Variants in SLC24A2 observed in about 807,000 individuals in gnomAD.
The protein encoded by SLC24A2 is sodium/potassium/calcium exchanger 2.
A neutral mutation model predicts 62.0 loss-of-function variants in SLC24A2; 36 were observed. The observed-to-expected ratio is 0.58, with a 90% CI of 0.44 to 0.77. The LOEUF (loss-of-function observed/expected upper bound fraction) is 0.77, where lower values mean the gene tolerates loss of function less well. SLC24A2 is among the 30% of genes least tolerant of loss of function. The probability of loss-of-function intolerance (pLI) is 0.00; values close to 1 mark genes in which losing one functional copy is unlikely to be tolerated. For synonymous variants in SLC24A2, 358 were observed against 294.0 expected (o/e 1.22, Z -2.23); for missense variants, 846 against 817.9 (o/e 1.03, Z -0.42).
the SLC24A2 span, among the ~76,000 whole-genome samples, chr9:19,860,696 G>A: frequency 6.6e-6 from 1 of 152,162 alleles, no homozygotes; most frequent in Admixed American, 6.5e-5. Flanking sequence ...CCTGCCCTGG[G>A]CCAGAGGGGA....
chr9:20,219,826 A>C, the SLC24A2 span, among the ~76,000 whole-genome samples: 1 of 152,158 alleles, frequency 6.6e-6, no homozygotes, highest in Non-Finnish European at 1.5e-5. Context: ...TTTGTTTGTC[A>C]ATAAACAATT....
At chr9:20,192,270 G>A in the SLC24A2 span, among the ~76,000 whole-genome samples, 1 of 152,162 alleles carries the variant, frequency 6.6e-6, no homozygotes, top group African/African-American at 2.4e-5. Context: ...AAGTGGGTGA[G>A]AAGGCCAAGA....
chr9:20,027,059 A>G, the SLC24A2 span, among the ~76,000 whole-genome samples: 1 of 152,202 alleles, frequency 6.6e-6, no homozygotes, highest in Non-Finnish European at 1.5e-5. Context: ...CATGTATATT[A>G]AAAAAGTGCT....
intron 2 of SLC24A2, among the ~76,000 whole-genome samples, chr9:19,764,143 G>C (rs1301764926): frequency 6.6e-6 from 1 of 152,100 alleles, no homozygotes; most frequent in Non-Finnish European, 1.5e-5. Context: ...GTATTTCTGT[G>C]GCATCAGTGG....
chr9:19,783,894 A>G (rs1217833359), intron 2 of SLC24A2, among the ~76,000 whole-genome samples: 7 of 152,226 alleles, frequency 4.6e-5, no homozygotes, highest in African/African-American at 1.7e-4. Flanking sequence ...AATAAATTAA[A>G]GCTATTTGGT....
intron 7 of SLC24A2, among the ~76,000 whole-genome samples, chr9:19,567,713 A>C (rs1835714595): frequency 6.6e-6 from 1 of 151,242 alleles, no homozygotes; most frequent in Non-Finnish European, 1.5e-5. Context: ...AAAATTTGAG[A>C]AGGTTGATAA....
chr9:19,711,098 G>C (rs75106289), intron 2 of SLC24A2, among the ~76,000 whole-genome samples: 1 of 152,202 alleles, frequency 6.6e-6, no homozygotes, highest in Non-Finnish European at 1.5e-5. Flanking sequence ...CTGTAAGTAA[G>C]GTCTGGGAAT....
the SLC24A2 span, among the ~76,000 whole-genome samples, chr9:20,145,182 G>A: frequency 6.6e-6 from 1 of 152,144 alleles, no homozygotes; most frequent in Non-Finnish European, 1.5e-5. Context: ...GGGAGCTGCA[G>A]TATAGGTGCC....
the SLC24A2 span, among the ~76,000 whole-genome samples, chr9:20,026,129 C>T: frequency 6.6e-6 from 1 of 152,122 alleles, no homozygotes; most frequent in Admixed American, 6.5e-5. Context: ...AAGATCTATT[C>T]TATCAGGCTG....
At chr9:19,552,963 A>G (rs1037927658) in intron 7 of SLC24A2, among the ~76,000 whole-genome samples, 1 of 152,242 alleles carries the variant, frequency 6.6e-6, no homozygotes, top group East Asian at 1.9e-4. Context: ...GCTAGGGCAG[A>G]AATGGACTAG....
At chr9:19,808,643 C>T in the SLC24A2 span, among the ~76,000 whole-genome samples, 7 of 152,222 alleles carry the variant, frequency 4.6e-5, no homozygotes, top group Admixed American at 1.3e-4. This position sits in a 1 kb window ranked among gnomAD's most constrained non-coding sequence, Gnocchi z 4.1. Context: ...GTCCCTCCCC[C>T]AGTTCCTCAT....
chr9:20,147,937 G>A, the SLC24A2 span, among the ~76,000 whole-genome samples: 7,070 of 152,088 alleles, frequency 0.046, 526 homozygotes, highest in African/African-American at 0.16. Flanking sequence ...AAAATTAAAT[G>A]AGGTAATGTA....
At position 19,510,207 on chromosome 9, in the gene SLC24A2, C is replaced by T. The variant is rs2132601302; in HGVS notation, c.*5946G>A. 1 of 152,066 alleles carries T rather than the reference C, an allele frequency of 6.6e-6. No homozygotes were observed. The highest frequency in any genetic ancestry group is 3.4e-3 in the Middle Eastern group (1 of 294). 9.4% of individuals were successfully genotyped at this position (152,066 alleles called of 1,614,324 possible). ...ATGCTGCACCCAGTATAGTTCAACA[C>T]TGTTCAGACAGTGATTATCATTAGT... On this transcript the variant is annotated 3_prime_UTR_variant, in exon 11 of 11. Transcript: ENST00000341998.
At chr9:19,788,089 T>A (rs189447636) in intron 1 of SLC24A2, among the ~76,000 whole-genome samples, 30 of 152,330 alleles carry the variant, frequency 2.0e-4, no homozygotes, top group Admixed American at 5.2e-4. Flanking sequence ...GCTGAGATAA[T>A]CTCAGGTGTA....
At chr9:19,919,557 G>A in the SLC24A2 span, among the ~76,000 whole-genome samples, 2 of 152,028 alleles carry the variant, frequency 1.3e-5, no homozygotes, top group African/African-American at 2.4e-5. Flanking sequence ...CATACAGTTT[G>A]TGGAAAAAAC....
the SLC24A2 span, among the ~76,000 whole-genome samples, chr9:19,921,013 C>T: frequency 4.1e-5 from 6 of 146,338 alleles, no homozygotes; most frequent in African/African-American, 1.5e-4. Flanking sequence ...AGGATTGAGT[C>T]GATATAAGTA....
At chr9:19,611,458 T>C (rs542480363) in intron 4 of SLC24A2, among the ~76,000 whole-genome samples, 2 of 138,884 alleles carry the variant, frequency 1.4e-5, no homozygotes, top group South Asian at 2.5e-4. Flanking sequence ...GAAGAGAGGA[T>C]AGGAGGAAGA....
At chr9:19,969,411 G>A in the SLC24A2 span, among the ~76,000 whole-genome samples, 1 of 152,056 alleles carries the variant, frequency 6.6e-6, no homozygotes, top group Admixed American at 6.6e-5. Flanking sequence ...CTATCTCTCT[G>A]AAAGTCTGAG....
At chr9:20,227,986 A>C in the SLC24A2 span, among the ~76,000 whole-genome samples, 1 of 152,156 alleles carries the variant, frequency 6.6e-6, no homozygotes, top group African/African-American at 2.4e-5. Context: ...TCCAGAATAG[A>C]ATCTTCATTT....
Sources: allele counts gnomAD v4.1 joint callset (sites outside exome capture counted in the v4.1 genomes callset), GRCh38; gene constraint gnomAD v4.1.1; non-coding constraint Gnocchi (gnomAD v3.1); transcripts MANE v1.5; gene names NCBI Gene and HGNC (gene_info 2026-07-23, HGNC 2026-07-21).